AGT: variants seen among roughly 807,000 people sequenced by gnomAD.
The protein encoded by AGT is angiotensinogen, also known as alpha-1 antiproteinase, antitrypsin.
In AGT, 26 loss-of-function variants were observed where a neutral mutation model predicts 28.1. That is an observed-to-expected ratio of 0.92 (90% CI 0.68 to 1.28). The LOEUF (loss-of-function observed/expected upper bound fraction) is 1.28. Ranked by LOEUF, AGT falls within the 50% of genes most tolerant of loss-of-function variation. The pLI, the probability that AGT is intolerant of heterozygous loss-of-function variation, is 0.00. For missense variants in AGT, 596 were observed against 592.3 expected (o/e 1.01, Z -0.06); for synonymous variants, 259 against 259.6 (o/e 1.00, Z 0.02).
chr1:230,722,029 C>G (rs1663854435), intron 1 of AGT, among the ~76,000 whole-genome samples: 1 of 152,224 alleles, frequency 6.6e-6, no homozygotes, highest in South Asian at 2.1e-4. Flanking sequence ...CATCACAGGC[C>G]TGGAGGCCTA....
At chr1:230,741,867 C>CT (rs1384614799) in intron 1 of AGT, among the ~76,000 whole-genome samples, 2 of 152,138 alleles carry the variant, frequency 1.3e-5, no homozygotes, top group Non-Finnish European at 2.9e-5. Flanking sequence ...TCATTGTGGG[C>CT]TTTAAGTTTC....
upstream of AGT, among the ~76,000 whole-genome samples, chr1:230,718,722 CTTTTT>C (rs1228887131): frequency 8.4e-6 from 1 of 118,490 alleles, no homozygotes; most frequent in Non-Finnish European, 1.7e-5. Flanking sequence ...TTCCACACCG[CTTTTT>C]TTTTTTTTTT....
chr1:230,709,966 G>T (rs1473643545), intron 2 of AGT, 29 bp downstream of exon 2: 1 of 1,614,008 alleles, frequency 6.2e-7, no homozygotes, highest in South Asian at 1.1e-5. Flanking sequence ...AAGTCCTAGG[G>T]CCAGAGCCAG....
intron 1 of AGT, among the ~76,000 whole-genome samples, chr1:230,739,755 G>A (rs1293766506): frequency 1.3e-5 from 2 of 152,168 alleles, no homozygotes; most frequent in Non-Finnish European, 2.9e-5. Flanking sequence ...TCCAGTGGCA[G>A]GTTTGGTAAG....
intron 1 of AGT, 23 bp from the exon 2 acceptor site, chr1:230,710,876 G>T (rs754446495): frequency 1.2e-6 from 2 of 1,607,260 alleles, no homozygotes; most frequent in African/African-American, 2.7e-5. Context: ...TTTGCAAAGG[G>T]TGAAAGGTGG....
At chr1:230,720,785 A>T (rs1290675087) in intron 1 of AGT, among the ~76,000 whole-genome samples, 2 of 150,064 alleles carry the variant, frequency 1.3e-5, no homozygotes, top group Non-Finnish European at 1.5e-5. Flanking sequence ...TGAGTCCATA[A>T]AAAGCCCCAG....
chr1:230,738,934 A>T (rs1432703235), intron 1 of AGT, among the ~76,000 whole-genome samples: 1 of 152,220 alleles, frequency 6.6e-6, no homozygotes, highest in Admixed American at 6.5e-5. Context: ...TTTTAAAAAA[A>T]TTACATCTCC....
chr1:230,738,512 A>G (rs1664190484), intron 1 of AGT, among the ~76,000 whole-genome samples: 1 of 152,208 alleles, frequency 6.6e-6, no homozygotes, highest in African/African-American at 2.4e-5. Context: ...CAAGCTAATA[A>G]ATCTCTTTTG....
chr1:230,739,195 C>CA lies in AGT; in HGVS notation c.-31+6319dup, dbSNP rs1227503444. 2.0e-4 allele frequency among the ~76,000 whole-genome samples: 26 copies of CA among 131,270 alleles called. 1 individual carries two copies. The highest frequency in any genetic ancestry group is 5.8e-4 in the African/African-American group (17 of 29,502). 86.1% of individuals were successfully genotyped at this position (131,270 alleles called of 152,430 possible). On this transcript the variant is annotated intron_variant, in intron 1 of 4. Coordinates refer to the AGT transcript ENST00000681269. ...CAACATACTGAGACTCCCTCCTCTA[C>CA]AGGTTTTTTTTTTTTTTTAATTAGC...
Position 230,720,736 on chromosome 1 carries a change from T to A in AGT, c.-30-9883A>T, listed in dbSNP as rs557198420. 3.3e-5 allele frequency among the ~76,000 whole-genome samples: 5 copies of A among 152,346 alleles called. No individual in the cohort carries two copies. The East Asian group carries it at 7.7e-4, about 23-fold the overall frequency. ...AGTAGAGTCTTTGCTTTAACCTTTT[T>A]TGCATACTCATAAACCAATCAACAC... On this transcript the variant is annotated intron_variant, in intron 1 of 4. Transcript: ENST00000681269.
rs1308311930 is a variant in AGT, at chr1:230,727,403, A to G, written c.-30-16550T>C. Among the ~76,000 whole-genome samples the G allele has an allele frequency of 2.6e-5, 4 of 152,220 alleles. No individual in the cohort carries two copies. The East Asian group carries it at 7.7e-4, about 29-fold the overall frequency. On this transcript the variant is annotated intron_variant, in intron 1 of 4. Coordinates refer to the AGT transcript ENST00000681269. Reference sequence around the variant, plus strand: ...AATATCCAACTGCCCTCACTGCACTAGTCCATGATCATAACCAAAAACTAT... The same window carrying G: ...AATATCCAACTGCCCTCACTGCACTGGTCCATGATCATAACCAAAAACTAT...
At chr1:230,736,480 C>G (rs1664160059) in intron 1 of AGT, among the ~76,000 whole-genome samples, 1 of 152,140 alleles carries the variant, frequency 6.6e-6, no homozygotes, top group African/African-American at 2.4e-5. Flanking sequence ...GATCACTCCA[C>G]TGCACTCCAG....
chr1:230,726,601 A>G (rs1663947376), intron 1 of AGT, among the ~76,000 whole-genome samples: 1 of 152,200 alleles, frequency 6.6e-6, no homozygotes, highest in African/African-American at 2.4e-5. Context: ...AAACATAGTA[A>G]GCATAGCTTA....
chr1:230,703,414 A>G, intron 4 of AGT, 85 bp from the exon 5 acceptor site: 1 of 1,427,970 alleles, frequency 7.0e-7, no homozygotes, highest in South Asian at 1.2e-5. Flanking sequence ...GGGTGGGCTC[A>G]GGACCTCTGT....
At chr1:230,742,269 C>T (rs1180773708) in intron 1 of AGT, among the ~76,000 whole-genome samples, 1 of 152,028 alleles carries the variant, frequency 6.6e-6, no homozygotes, top group Non-Finnish European at 1.5e-5. Flanking sequence ...CTTCTTTCTC[C>T]ACAAATGCTG....
intron 1 of AGT, among the ~76,000 whole-genome samples, chr1:230,739,491 G>A (rs1252136733): frequency 6.6e-6 from 1 of 152,110 alleles, no homozygotes; most frequent in Non-Finnish European, 1.5e-5. Flanking sequence ...CCCAAAGCTG[G>A]GGACCACTGA....
At chr1:230,737,419 C>A (rs1211177224) in intron 1 of AGT, among the ~76,000 whole-genome samples, 1 of 152,092 alleles carries the variant, frequency 6.6e-6, no homozygotes, top group Non-Finnish European at 1.5e-5. Context: ...TCAAGCGATT[C>A]CCTGGCCCCA....
chr1:230,706,000 G>T lies in AGT; in HGVS notation c.1030C>A (p.Leu344Met). 6.2e-7 allele frequency: 1 copy of T among 1,614,170 alleles called. No individual in the cohort carries two copies. The highest frequency in any genetic ancestry group is 1.6e-4 in the Middle Eastern group (1 of 6,062). ...AAAGTGAGACCCTCCACCTTGTCCA[G>T]GTCAGAGGCATAGTGAGGCTGGATC... ...LLIQPHYASD[L>M]DKVEGLTFQQ... Residue 344 changes from leucine (L) to methionine (M), a missense_variant, in exon 3 of 5, where the codon CTG becomes ATG. Transcript: ENST00000366667.
In AGT at chr1:230,710,484, C is replaced by T. The variant is rs149236456; in HGVS notation, c.340G>A (p.Glu114Lys). The T allele has an allele frequency of 6.2e-7, 1 of 1,614,118 alleles. No individual in the cohort carries two copies. Among genetic ancestry groups the T allele is most frequent in the Non-Finnish European group, 8.5e-7 (1 of 1,180,048 alleles). The change falls in exon 2 of 5, where the codon GAG becomes AAG. Residue 114 changes from glutamate to lysine, a missense_variant. By Grantham distance (56) the Glu-to-Lys change is moderately conservative. Transcript: ENST00000366667. ...GCCCCATGGACCACGCCCCATAGCT[C>T]ACTGTGCATGCCATATATACGGAAG... ...LGFRIYGMHSELWGVVHGATV... is the reference protein window; with the variant it reads ...LGFRIYGMHSKLWGVVHGATV...
Sources: gnomAD v4.1 joint callset for allele counts (sites outside exome capture counted in the v4.1 genomes callset) on GRCh38, gnomAD v4.1.1 for gene constraint, MANE v1.5 for transcripts, NCBI Gene and HGNC (gene_info 2026-07-23, HGNC 2026-07-21) for gene names.